The following KAT6B variants were observed in gnomAD, a reference collection of about 807,000 sequenced individuals.
KAT6B encodes the protein lysine acetyltransferase 6B.
A neutral mutation model predicts 187.5 loss-of-function variants in KAT6B; 10 were observed. The ratio of observed to expected loss-of-function variants is 0.05; its 90% confidence interval spans 0.03 to 0.09. KAT6B has a LOEUF of 0.09. Among genes scored for constraint, KAT6B ranks in the 10% least tolerant of loss-of-function variants. KAT6B has a pLI of 1.00. For synonymous variants in KAT6B, 861 were observed against 926.8 expected (o/e 0.93, Z 1.29); for missense variants, 1,952 against 2,558.9 (o/e 0.76, Z 5.12).
intron 13 of KAT6B, among the ~76,000 whole-genome samples, chr10:75,008,876 A>G (rs1282715916): frequency 1.3e-5 from 2 of 152,262 alleles, no homozygotes; most frequent in Non-Finnish European, 2.9e-5. Flanking sequence ...TAAATTAAGC[A>G]TAAACTTTCT....
intron 3 of KAT6B, among the ~76,000 whole-genome samples, chr10:74,936,276 G>A (rs181295033): frequency 0.025 from 3,724 of 151,830 alleles, 152 homozygotes; most frequent in African/African-American, 0.085. Flanking sequence ...GGTGGCAGGC[G>A]CCTGTAATCC....
chr10:75,002,709 A>C (rs1843929903), intron 13 of KAT6B, among the ~76,000 whole-genome samples: 3 of 152,218 alleles, frequency 2.0e-5, no homozygotes, highest in Admixed American at 2.0e-4. Flanking sequence ...ATCTAAATAT[A>C]GAAAAGGTAC....
chr10:74,977,213 C>T (rs1842214875), intron 8 of KAT6B, 103 bp from the exon 9 acceptor site: 1 of 1,221,498 alleles, frequency 8.2e-7, no homozygotes, highest in South Asian at 1.3e-5. Flanking sequence ...TAAAAAAAAT[C>T]CCTATTTGCC....
intron 3 of KAT6B, among the ~76,000 whole-genome samples, chr10:74,949,539 A>C (rs1015280034): frequency 6.6e-6 from 1 of 152,240 alleles, no homozygotes; most frequent in African/African-American, 2.4e-5. Context: ...CACTTTCCTT[A>C]ATCAGCACTT....
Position 75,030,880 on chromosome 10 carries a change from AC to A in KAT6B, c.6059del (p.Pro2020LeufsTer8), listed in dbSNP as rs1846272398. The A allele has an allele frequency of 6.2e-7, 1 of 1,613,864 alleles. No individual in the cohort carries two copies. Among genetic ancestry groups the A allele is most frequent in the African/African-American group, 1.3e-5 (1 of 74,844 alleles). ...NHGYMNQTPQ[Y>X]PMQMQMGMMG... ...GGCTATATGAATCAAACGCCCCAAT[AC>A]CCTATGCAGATGCAGATGGGCATGA... On this transcript the variant is annotated frameshift_variant, in exon 18 of 18. Transcript: ENST00000287239. LOFTEE classifies it high-confidence loss of function. This position sits in a 1 kb window ranked among gnomAD's most constrained non-coding sequence, Gnocchi z 4.8.
At chr10:74,924,422 G>A (rs1457042012) in intron 3 of KAT6B, among the ~76,000 whole-genome samples, 1 of 152,222 alleles carries the variant, frequency 6.6e-6, no homozygotes, top group South Asian at 2.1e-4. Flanking sequence ...AATTGGGTTA[G>A]AGGTTAATAG....
intron 3 of KAT6B, among the ~76,000 whole-genome samples, chr10:74,898,068 C>T (rs1846109846): frequency 6.6e-6 from 1 of 151,918 alleles, no homozygotes; most frequent in Non-Finnish European, 1.5e-5. Flanking sequence ...AACAATAAAT[C>T]TATATGTTTC....
intron 4 of KAT6B, among the ~76,000 whole-genome samples, chr10:74,964,132 A>C (rs1841297424): frequency 6.6e-6 from 1 of 152,204 alleles, no homozygotes; most frequent in Non-Finnish European, 1.5e-5. Context: ...ACTCTGTCTC[A>C]AAAAATAAAA....
At chr10:74,905,285 C>T (rs960793404) in intron 3 of KAT6B, among the ~76,000 whole-genome samples, 4 of 152,152 alleles carry the variant, frequency 2.6e-5, no homozygotes, top group African/African-American at 7.2e-5. Flanking sequence ...CAGGCCACAG[C>T]GACTAGGTGT....
intron 4 of KAT6B, among the ~76,000 whole-genome samples, chr10:74,964,285 G>C (rs2133575028): frequency 6.6e-6 from 1 of 152,314 alleles, no homozygotes; most frequent in South Asian, 2.1e-4. Flanking sequence ...TGACCTCTTT[G>C]TAGCAAAATC....
At chr10:74,945,320 A>G (rs1839871329) in intron 3 of KAT6B, among the ~76,000 whole-genome samples, 1 of 152,222 alleles carries the variant, frequency 6.6e-6, no homozygotes, top group African/African-American at 2.4e-5. Context: ...GGCGAAACTA[A>G]TCTGTCGTGA....
chr10:74,908,549 CAAA>C (rs10715826), intron 3 of KAT6B, among the ~76,000 whole-genome samples: 18 of 109,430 alleles, frequency 1.6e-4, no homozygotes, highest in Admixed American at 7.1e-4. Context: ...GACCCCGTCT[CAAA>C]AAAAAAAAAA....
chr10:75,029,536 G>A lies in KAT6B; in HGVS notation c.4712G>A (p.Ser1571Asn). 1 of 1,614,116 alleles carries A rather than the reference G, an allele frequency of 6.2e-7. No homozygotes were observed. Among genetic ancestry groups the A allele is most frequent in the Non-Finnish European group, 8.5e-7 (1 of 1,180,018 alleles). Residue 1571 changes from serine (S) to asparagine (N), a missense_variant, in exon 18 of 18, where the codon AGC becomes AAC. By Grantham distance (46) the Ser-to-Asn change is conservative. Transcript: ENST00000287239. The surrounding 1 kb of genome is among the most constrained non-coding windows in gnomAD (Gnocchi z 6.2). ...DCAETQEACR[S>N]LQNYTRADQS... Reference sequence around the variant, plus strand: ...GCCGAGACTCAAGAGGCCTGTAGAAGCCTACAGAACTACACCCGTGCAGAC... The same window carrying A: ...GCCGAGACTCAAGAGGCCTGTAGAAACCTACAGAACTACACCCGTGCAGAC...
At chr10:75,011,611 T>C (rs1202058976) in intron 13 of KAT6B, among the ~76,000 whole-genome samples, 2 of 152,244 alleles carry the variant, frequency 1.3e-5, no homozygotes, top group Non-Finnish European at 2.9e-5. Flanking sequence ...TGACAGAGTA[T>C]AACATCTCTC....
rs1364723881 is a variant in KAT6B at position 75,021,866 on chromosome 10, A to G, written c.3022-15A>G. The G allele has an allele frequency of 1.2e-6, 2 of 1,613,498 alleles. No homozygotes were observed. Among genetic ancestry groups the G allele is most frequent in the Admixed American group, 1.7e-5 (1 of 59,930 alleles). On this transcript the variant is annotated splice_polypyrimidine_tract_variant and intron_variant, in intron 15 of 17. Transcript: ENST00000287239. The stretch of plus-strand genomic sequence containing the variant: ...TGCCCTCTCACTGGCCACCATTTTT[A>G]CCCTCCCCACTTAGGCTGAGCGGCT...
chr10:74,873,892 A>T (rs1433916316), intron 3 of KAT6B, among the ~76,000 whole-genome samples: 1 of 152,168 alleles, frequency 6.6e-6, no homozygotes, highest in Non-Finnish European at 1.5e-5. Context: ...ACTCATTTAG[A>T]GTTATCAGGT....
chr10:74,912,044 G>A (rs1847240455), intron 3 of KAT6B, among the ~76,000 whole-genome samples: 2 of 152,052 alleles, frequency 1.3e-5, no homozygotes, highest in Admixed American at 1.3e-4. Flanking sequence ...GGGCTCAAGG[G>A]ATCTTCCCAC....
chr10:75,012,415 C>A (rs1844671590), intron 13 of KAT6B, among the ~76,000 whole-genome samples: 1 of 152,126 alleles, frequency 6.6e-6, no homozygotes, highest in Non-Finnish European at 1.5e-5. Context: ...CCACTGCACT[C>A]CAGCCTGGGT....
chr10:74,994,359 C>T (rs1348646192), intron 13 of KAT6B, among the ~76,000 whole-genome samples: 1 of 152,154 alleles, frequency 6.6e-6, no homozygotes, highest in Non-Finnish European at 1.5e-5. Flanking sequence ...TGCTTCCATC[C>T]TGTGGATTCT....
Sources: gnomAD v4.1 joint callset for allele counts (sites outside exome capture counted in the v4.1 genomes callset) on GRCh38, gnomAD v4.1.1 for gene constraint, Gnocchi (gnomAD v3.1) non-coding constraint, MANE v1.5 for transcripts, NCBI Gene and HGNC (gene_info 2026-07-23, HGNC 2026-07-21) for gene names.